Variants in OSGIN1 observed in about 807,000 individuals in gnomAD.
OSGIN1 encodes the protein oxidative stress-induced growth inhibitor 1.
OSGIN1 carries 19 observed loss-of-function variants against 20.1 expected under a neutral mutation model. That is an observed-to-expected ratio of 0.95 (90% CI 0.66 to 1.39). The LOEUF is 1.39. Ranked by LOEUF, OSGIN1 falls within the 40% of genes most tolerant of loss-of-function variation. The probability of loss-of-function intolerance (pLI) is 0.00; values close to 1 mark genes in which losing one functional copy is unlikely to be tolerated. For synonymous variants in OSGIN1, 368 were observed against 297.8 expected (o/e 1.24, Z -2.43); for missense variants, 820 against 653.0 (o/e 1.26, Z -2.79).
intron 5 of OSGIN1, among the ~76,000 whole-genome samples, chr16:83,962,156 C>G (rs1293709866): frequency 1.3e-5 from 2 of 152,030 alleles, no homozygotes; most frequent in Non-Finnish European, 2.9e-5. Flanking sequence ...GGCTTCCTGC[C>G]CCATCATGGC....
In OSGIN1 at chr16:83,957,695, C is replaced by T; in HGVS notation, c.24C>T (p.His8=). Residue 8 remains histidine, a synonymous_variant, in exon 2 of 6, where the codon CAC becomes CAT. Transcript: ENST00000393306. ...CCATGAGCTCCTCCAGAAAGGACCA[C>T]CTCGGCGCCAGCAGCTCAGAGCCCC... MSSSRKD[H]LGASSSEPLP... The T allele has an allele frequency of 6.2e-7, 1 of 1,607,248 alleles. No individual in the cohort carries two copies. The highest frequency in any genetic ancestry group is 8.5e-7 in the Non-Finnish European group (1 of 1,176,632).
chr16:83,957,545 C>A, intron 1 of OSGIN1, 95 bp from the exon 2 acceptor site: 1 of 704,784 alleles, frequency 1.4e-6, no homozygotes, highest in Non-Finnish European at 2.6e-6. Context: ...ACCCTGAGGG[C>A]CACAGGAGGC....
At chr16:83,964,998 G>GGCCCCCCC in intron 5 of OSGIN1, 64 bp from the exon 6 acceptor site, 2 of 498,786 alleles carry the variant, frequency 4.0e-6, no homozygotes, top group Non-Finnish European at 7.8e-6. Flanking sequence ...GACATCTCCC[G>GGCCCCCCC]TCCCACCCAG....
chr16:83,960,814 C>A, intron 4 of OSGIN1, 54 bp downstream of exon 4: 3 of 1,571,202 alleles, frequency 1.9e-6, no homozygotes, highest in Non-Finnish European at 1.7e-6. Flanking sequence ...CTCGTTCTCC[C>A]CACTTGGGGC....
At position 83,959,257 on chromosome 16, in the gene OSGIN1, C is replaced by T. The variant is rs775009331; in HGVS notation, c.68-3C>T. On this transcript the variant is annotated splice_region_variant and splice_polypyrimidine_tract_variant and intron_variant, in intron 2 of 5. Transcript: ENST00000393306. ...CCCTTTAACCTCCACCCTCTCTCCC[C>T]AGGTAACGGCCCCTCTGGTATCTGC... is the stretch of plus-strand genomic sequence containing the variant. The T allele has an allele frequency of 1.5e-5, 24 of 1,613,134 alleles. No homozygotes were observed. Among genetic ancestry groups the T allele is most frequent in the Non-Finnish European group, 2.0e-5 (24 of 1,179,508 alleles).
At chr16:83,959,001 G>A (rs144489476) in intron 2 of OSGIN1, among the ~76,000 whole-genome samples, 1,680 of 152,218 alleles carry the variant, frequency 0.011, 21 homozygotes, top group Non-Finnish European at 0.015. Context: ...CACTTACCTC[G>A]CTAAAGCTGT....
Position 83,960,855 on chromosome 16 carries a change from T to C in OSGIN1, c.396+95T>C, listed in dbSNP as rs886327409. The C allele has an allele frequency of 5.7e-4, 847 of 1,487,804 alleles. 4 individuals are homozygous for C. The highest frequency in any genetic ancestry group is 7.5e-4 in the Non-Finnish European group (811 of 1,085,472). The allele number at this position is 1,487,804 out of a possible 1,614,324, so 92.2% of individuals were successfully genotyped here. On this transcript the variant is annotated intron_variant, in intron 4 of 5. Transcript: ENST00000393306. ...CTCTGGCATCTCCCTTTCCTCATTC[T>C]CCACCCCGCAACCCTGCCTCTCCCT...
intron 1 of OSGIN1, chr16:83,954,265 G>A (rs937409409): frequency 4.6e-5 from 7 of 152,260 alleles, no homozygotes; most frequent in African/African-American, 1.7e-4. Flanking sequence ...AGGTGTCCCA[G>A]AGTCTCAGAG....
chr16:83,960,853 T>G, intron 4 of OSGIN1, 93 bp downstream of exon 4: 2 of 1,493,598 alleles, frequency 1.3e-6, no homozygotes, highest in Non-Finnish European at 1.8e-6. Context: ...CTTTCCTCAT[T>G]CTCCACCCCG....
In OSGIN1 at chr16:83,953,385, C is replaced by A; in HGVS notation, c.-33+15C>A. 7.8e-7 allele frequency: 1 copy of A among 1,288,520 alleles called. No individual in the cohort carries two copies. Among genetic ancestry groups the A allele is most frequent in the Non-Finnish European group, 1.0e-6 (1 of 988,328 alleles). 79.8% of individuals were successfully genotyped at this position (1,288,520 alleles called of 1,614,324 possible). A position where few individuals can be genotyped will look rare whatever the true frequency, so the allele number is the denominator to read the frequency against. On this transcript the variant is annotated intron_variant, in intron 1 of 5. Transcript: ENST00000393306. ...CTGCCTGTCAGGTGAGTGTCCGGGG[C>A]CAGGTTCCGGGGCAGGGAATCAGGC...
In OSGIN1 at chr16:83,965,945, C is replaced by A. The variant is rs989697127; in HGVS notation, c.1372C>A (p.Gln458Lys). ...CGGGGACAACTTCGTGAGGTTTGTG[C>A]AGGGGGGCGCCTTGGCTGTGGCCAG... is the stretch of plus-strand genomic sequence containing the variant. ...LAGDNFVRFV[Q>K]GGALAVASSL... Residue 458 changes from glutamine (Q) to lysine (K), a missense_variant, in exon 6 of 6, where the codon CAG becomes AAG. Transcript: ENST00000393306. 1.9e-6 allele frequency: 3 copies of A among 1,611,130 alleles called. No individual in the cohort carries two copies. The highest frequency in any genetic ancestry group is 4.5e-5 in the East Asian group (2 of 44,802).
In OSGIN1 at chr16:83,965,290, C is replaced by G. The variant is rs939684622; in HGVS notation, c.717C>G (p.Ala239=). 2 of 1,601,626 alleles carry G rather than the reference C, an allele frequency of 1.2e-6. No individual in the cohort carries two copies. Among genetic ancestry groups the G allele is most frequent in the African/African-American group, 2.7e-5 (2 of 74,714 alleles). ...NQAQQPFSLW[A]RNVVLATGTF... is the part of the protein sequence containing the mutation. ...CCCAGCAGCCCTTCTCGCTGTGGGC[C>G]CGCAACGTGGTCCTCGCCACAGGCA... The change falls in exon 6 of 6, where the codon GCC becomes GCG. Residue 239 remains alanine (A), a synonymous_variant. Coordinates refer to ENST00000393306, the MANE Select transcript of OSGIN1 (RefSeq NM_182981.3).
Position 83,959,151 on chromosome 16 carries a change from T to A in OSGIN1, c.68-109T>A, listed in dbSNP as rs369385073. The A allele has an allele frequency of 9.8e-5, 74 of 755,068 alleles. 1 individual carries two copies. The African/African-American group carries it at 1.1e-3, about 12-fold the overall frequency. 46.8% of individuals were successfully genotyped at this position (755,068 alleles called of 1,614,324 possible). ...AGGGCTTAATAAATATTTATTTTTATGAATGAAGGATAAATGAATGAATGC... is the reference window on the plus strand; with the variant it reads ...AGGGCTTAATAAATATTTATTTTTAAGAATGAAGGATAAATGAATGAATGC... On this transcript the variant is annotated intron_variant, in intron 2 of 5. Coordinates refer to ENST00000393306, the MANE Select transcript of OSGIN1 (RefSeq NM_182981.3).
intron 1 of OSGIN1, 82 bp from the exon 2 acceptor site, chr16:83,957,558 C>A: frequency 1.3e-6 from 1 of 753,396 alleles, no homozygotes; most frequent in South Asian, 1.5e-5. Context: ...CAGGAGGCCA[C>A]CCTAGCTGGG....
intron 1 of OSGIN1, among the ~76,000 whole-genome samples, chr16:83,956,388 T>C (rs1006517230): frequency 6.6e-6 from 1 of 152,180 alleles, no homozygotes; most frequent in African/African-American, 2.4e-5. Context: ...AAATCCAGAT[T>C]CCCACTTTCT....
intron 1 of OSGIN1, chr16:83,954,226 C>G (rs907684902): frequency 2.0e-5 from 3 of 152,224 alleles, no homozygotes; most frequent in Non-Finnish European, 2.9e-5. Flanking sequence ...TAAATGGCCA[C>G]TAGAGGTGCC....
At chr16:83,960,798 C>G (rs559666565) in intron 4 of OSGIN1, 38 bp downstream of exon 4, 15 of 1,597,190 alleles carry the variant, frequency 9.4e-6, no homozygotes, top group Non-Finnish European at 1.2e-5. Context: ...GTGGGGGGCT[C>G]TCTCCCTCGT....
chr16:83,959,340 C>T lies in OSGIN1; in HGVS notation c.148C>T (p.His50Tyr), dbSNP rs577756498. 1 of 1,613,918 alleles carries T rather than the reference C, an allele frequency of 6.2e-7. No homozygotes were observed. Among genetic ancestry groups the T allele is most frequent in the African/African-American group, 1.3e-5 (1 of 75,024 alleles). The part of the protein sequence containing the change: ...PYTKPDAIHP[H>Y]PLLQRKLTEA... ...CACGAAGCCAGATGCCATCCACCCA[C>T]ACCCCCTGCTGCAGAGGAAGCTCAC... The change falls in exon 3 of 6, where the codon CAC becomes TAC. Residue 50 changes from histidine to tyrosine, a missense_variant. By Grantham distance (83) the His-to-Tyr change is moderately conservative. Coordinates refer to ENST00000393306, the MANE Select transcript of OSGIN1 (RefSeq NM_182981.3).
chr16:83,960,892 C>G (rs1003855070), intron 4 of OSGIN1, 89 bp from the exon 5 acceptor site: 7 of 1,507,852 alleles, frequency 4.6e-6, no homozygotes, highest in Admixed American at 3.4e-5. Flanking sequence ...CTCCCTCTAC[C>G]CAGCCCCAGC....
Sources: allele counts gnomAD v4.1 joint callset (sites outside exome capture counted in the v4.1 genomes callset), GRCh38; gene constraint gnomAD v4.1.1; transcripts MANE v1.5; gene names NCBI Gene and HGNC (gene_info 2026-07-23, HGNC 2026-07-21).